The following MMP21 variants were observed in gnomAD, a reference collection of about 807,000 sequenced individuals.
The protein encoded by MMP21 is matrix metalloproteinase-21.
In MMP21, 40 loss-of-function variants were observed where a neutral mutation model predicts 47.8. The observed-to-expected ratio is 0.84, with a 90% CI of 0.65 to 1.09. The LOEUF is 1.09. Among genes scored for constraint, MMP21 ranks in the 50% least tolerant of loss-of-function variants. The pLI is 0.00. For synonymous variants in MMP21, 341 were observed against 318.0 expected (o/e 1.07, Z -0.77); for missense variants, 747 against 775.3 (o/e 0.96, Z 0.43).
chr10:125,772,324 C>A lies in MMP21; in HGVS notation c.873G>T (p.Leu291Phe). The part of the protein sequence containing the change: ...AVHEIGHVLG[L>F]PHTYRTGSIM... ...TGGATCCCGTCCTGTAGGTGTGAGG[C>A]AAGCCCAGGACATGGCCAATTTCAT... The change falls in exon 4 of 7, where the codon TTG (leucine) becomes TTT (phenylalanine). Residue 291 changes from leucine (L) to phenylalanine (F), a missense_variant. Physicochemically the swap from Leu to Phe is conservative, Grantham distance 22. Coordinates refer to ENST00000368808, the MANE Select transcript of MMP21 (RefSeq NM_147191.1). The surrounding 1 kb of genome is among the most constrained non-coding windows in gnomAD (Gnocchi z 5.6). 1 of 1,614,166 alleles carries A rather than the reference C, an allele frequency of 6.2e-7. No homozygotes were observed. The highest frequency in any genetic ancestry group is 8.5e-7 in the Non-Finnish European group (1 of 1,180,034).
chr10:125,768,086 T>C (rs913154197), intron 5 of MMP21, among the ~76,000 whole-genome samples: 9 of 152,222 alleles, frequency 5.9e-5, no homozygotes, highest in African/African-American at 2.2e-4. Context: ...TCCTTTATAG[T>C]CTAAAGATGT....
intron 5 of MMP21, among the ~76,000 whole-genome samples, chr10:125,769,954 C>G (rs978328161): frequency 2.0e-5 from 3 of 152,076 alleles, no homozygotes; most frequent in Non-Finnish European, 2.9e-5. Flanking sequence ...TCAAGACTAG[C>G]CTGGGCAACA....
chr10:125,766,908 C>T lies in MMP21; in HGVS notation c.1464G>A (p.Arg488=). 1.9e-6 allele frequency: 3 copies of T among 1,612,058 alleles called. No individual in the cohort carries two copies. The highest frequency in any genetic ancestry group is 1.7e-5 in the Admixed American group (1 of 59,584). The change falls in exon 7 of 7, where the codon AGG becomes AGA. Residue 488 remains arginine, a synonymous_variant. Coordinates refer to ENST00000368808, the MANE Select transcript of MMP21 (RefSeq NM_147191.1). ...RNRVLNSYPK[R]ITEVFPAVIP... Reference sequence around the variant, plus strand: ...TTACTGCTGGAAAAACTTCAGTAATCCTCTTTGGATAAGAATTAAGTACTC... The same window carrying T: ...TTACTGCTGGAAAAACTTCAGTAATTCTCTTTGGATAAGAATTAAGTACTC...
In MMP21 at chr10:125,770,463, G is replaced by T. The variant is rs752375826; in HGVS notation, c.1108C>A (p.Arg370=). Residue 370 remains arginine (R), a synonymous_variant, in exon 5 of 7, where the codon CGA becomes AGA. Coordinates refer to ENST00000368808, the MANE Select transcript of MMP21 (RefSeq NM_147191.1). ...TCCCCATAGCGTGTCCTATTGTTTCGATTTTCATAAAGCCAGTACCAGCTG... is the reference window on the plus strand; with the variant it reads ...TCCCCATAGCGTGTCCTATTGTTTCTATTTTCATAAAGCCAGTACCAGCTG... ...RNSWYWLYEN[R]NNRTRYGDPI... 1.2e-6 allele frequency: 2 copies of T among 1,614,138 alleles called. No homozygotes were observed. Among genetic ancestry groups the T allele is most frequent in the South Asian group, 1.1e-5 (1 of 91,068 alleles).
At chr10:125,768,339 T>C (rs1157871137) in intron 5 of MMP21, among the ~76,000 whole-genome samples, 1 of 152,230 alleles carries the variant, frequency 6.6e-6, no homozygotes, top group Non-Finnish European at 1.5e-5. Flanking sequence ...GACTCTCAAA[T>C]GCCACTCCAG....
chr10:125,768,729 G>A (rs991488141), intron 5 of MMP21, among the ~76,000 whole-genome samples: 2 of 152,234 alleles, frequency 1.3e-5, no homozygotes, highest in Admixed American at 1.3e-4. Context: ...CAGCTGTATT[G>A]TAGCAGTTAC....
In MMP21 at chr10:125,772,189, C is replaced by G. The variant is rs781539228; in HGVS notation, c.979+29G>C. 6.2e-7 allele frequency: 1 copy of G among 1,613,458 alleles called. No individual in the cohort carries two copies. The highest frequency in any genetic ancestry group is 1.1e-5 in the South Asian group (1 of 90,998). On this transcript the variant is annotated intron_variant, in intron 4 of 6. Coordinates refer to ENST00000368808, the MANE Select transcript of MMP21 (RefSeq NM_147191.1). The surrounding 1 kb of genome is among the most constrained non-coding windows in gnomAD (Gnocchi z 5.6). ...TCTGGAATACAGTGTCCTCCGCTAG[C>G]TCAGGGATGCCCTCCGCAGCAGTCT...
intron 5 of MMP21, among the ~76,000 whole-genome samples, chr10:125,769,489 G>T (rs1246311636): frequency 6.6e-6 from 1 of 152,160 alleles, no homozygotes; most frequent in East Asian, 1.9e-4. Flanking sequence ...ACAGCTCTGT[G>T]GCTTTTTCAC....
Position 125,772,867 on chromosome 10 carries a change from G to C in MMP21, c.698-117C>G. ...GGCAGCAGAGGTAGACAGAGTGGCA[G>C]CTCCTGGATTAAGTCCTCAATGTGC... On this transcript the variant is annotated intron_variant, in intron 2 of 6. Transcript: ENST00000368808. This position sits in a 1 kb window ranked among gnomAD's most constrained non-coding sequence, Gnocchi z 5.6. 8.6e-7 allele frequency: 1 copy of C among 1,158,362 alleles called. No homozygotes were observed. Among genetic ancestry groups the C allele is most frequent in the Non-Finnish European group, 1.2e-6 (1 of 820,014 alleles). The allele number at this position is 1,158,362 out of a possible 1,614,324, so 71.8% of individuals were successfully genotyped here.
Position 125,775,647 on chromosome 10 carries a change from A to T in MMP21, c.162+13T>A. The T allele has an allele frequency of 6.3e-7, 1 of 1,591,214 alleles. No individual in the cohort carries two copies. The highest frequency in any genetic ancestry group is 1.7e-4 in the Middle Eastern group (1 of 5,958). ...GGCCTGGGGGTATTGCTGTTCTTCC[A>T]GCTTCCTCCTACCTGAGCAGCGTGG... On this transcript the variant is annotated intron_variant, in intron 1 of 6. Transcript: ENST00000368808.
intron 1 of MMP21, among the ~76,000 whole-genome samples, chr10:125,775,389 G>C (rs1850505393): frequency 6.6e-6 from 1 of 152,242 alleles, no homozygotes; most frequent in Non-Finnish European, 1.5e-5. Context: ...CCTTTGGAAA[G>C]GCACTTGGCA....
At position 125,772,867 on chromosome 10, in the gene MMP21, G is replaced by T. The variant is rs940181924; in HGVS notation, c.698-117C>A. The T allele has an allele frequency of 8.6e-7, 1 of 1,158,356 alleles. No individual in the cohort carries two copies. Among genetic ancestry groups the T allele is most frequent in the Non-Finnish European group, 1.2e-6 (1 of 820,008 alleles). The allele number at this position is 1,158,356 out of a possible 1,614,324, so 71.8% of individuals were successfully genotyped here. On this transcript the variant is annotated intron_variant, in intron 2 of 6. Transcript: ENST00000368808. The surrounding 1 kb of genome is among the most constrained non-coding windows in gnomAD (Gnocchi z 5.6). Reference sequence around the variant, plus strand: ...GGCAGCAGAGGTAGACAGAGTGGCAGCTCCTGGATTAAGTCCTCAATGTGC... The same window carrying T: ...GGCAGCAGAGGTAGACAGAGTGGCATCTCCTGGATTAAGTCCTCAATGTGC...
At chr10:125,771,203 A>G (rs1482217775) in intron 4 of MMP21, among the ~76,000 whole-genome samples, 3 of 152,086 alleles carry the variant, frequency 2.0e-5, no homozygotes, top group Non-Finnish European at 4.4e-5. Context: ...ACCACCCTAA[A>G]TATAGCTACT....
At chr10:125,770,248 C>T (rs1358302855) in intron 5 of MMP21, 86 bp downstream of exon 5, 1 of 1,395,588 alleles carries the variant, frequency 7.2e-7, no homozygotes, top group African/African-American at 1.4e-5. Flanking sequence ...AGCATTACAA[C>T]AGATTCCTTG....
At position 125,766,947 on chromosome 10, in the gene MMP21, A is replaced by T. The variant is rs759368574; in HGVS notation, c.1425T>A (p.Asp475Glu). 6.3e-7 allele frequency: 1 copy of T among 1,586,658 alleles called. No individual in the cohort carries two copies. The highest frequency in any genetic ancestry group is 2.2e-5 in the East Asian group (1 of 44,594). ...FFKESLVFAF[D>E]VNRNRVLNSY... The stretch of plus-strand genomic sequence containing the variant: ...AATTAAGTACTCGATTTCTGTTGAC[A>T]TCAAATGCAAATACCTGCAAAGCAA... Residue 475 changes from aspartate (D) to glutamate (E), a missense_variant, in exon 7 of 7, where the codon GAT becomes GAA. Asp to Glu is a conservative substitution (Grantham distance 45, BLOSUM62 2). Transcript: ENST00000368808.
intron 1 of MMP21, 116 bp downstream of exon 1, chr10:125,775,544 C>T (rs543432560): frequency 1.5e-6 from 2 of 1,343,316 alleles, no homozygotes; most frequent in South Asian, 1.7e-5. Flanking sequence ...CCTGCCTGGC[C>T]CTTCTCTGCC....
rs773803553 is a variant in MMP21 at position 125,774,021 on chromosome 10, C to G, written c.507G>C (p.Gln169His). 8 of 1,519,638 alleles carry G rather than the reference C, an allele frequency of 5.3e-6. No homozygotes were observed. The African/African-American group carries it at 1.0e-4, about 19-fold the overall frequency. The allele number at this position is 1,519,638 out of a possible 1,614,324, so 94.1% of individuals were successfully genotyped here. The part of the protein sequence containing the change: ...PRGYPDGGAA[Q>H]AFSKRTLSWR... ...AGCTCAGCGTCCTCTTGGAGAAGGC[C>G]TGGGCAGCTCCGCCGTCGGGGTAGC... Residue 169 changes from glutamine (Q) to histidine (H), a missense_variant, in exon 2 of 7, where the codon CAG becomes CAC. Gln to His is a conservative substitution (Grantham distance 24, BLOSUM62 0). Coordinates refer to ENST00000368808, the MANE Select transcript of MMP21 (RefSeq NM_147191.1).
rs145119918 is a variant in MMP21 at position 125,767,570 on chromosome 10, G to A, written c.1372C>T (p.Arg458Ter). The change falls in exon 6 of 7, where the codon CGA becomes TGA. Residue 458 changes from arginine to a stop codon, truncating the protein, a stop_gained. Transcript: ENST00000368808. LOFTEE classifies it low-confidence loss of function (END_TRUNC). ...PSPLDTAFYD[R>*]RQKLIYFFKE... ...AAGAAGTAAATTAACTTCTGTCTTC[G>A]GTCATAAAACGCCGTGTCTAGGGGA... The A allele has an allele frequency of 1.1e-4, 184 of 1,614,008 alleles. No homozygotes were observed. The highest frequency in any genetic ancestry group is 1.5e-4 in the Non-Finnish European group (176 of 1,180,032).
chr10:125,774,560 A>C (rs915251168), intron 1 of MMP21, among the ~76,000 whole-genome samples, 195 bp from the exon 2 acceptor site: 3 of 152,186 alleles, frequency 2.0e-5, no homozygotes, highest in Non-Finnish European at 4.4e-5. Flanking sequence ...ATACAGAGAG[A>C]GCGGCAGTGA....
Sources: gnomAD v4.1 joint callset for allele counts (sites outside exome capture counted in the v4.1 genomes callset) on GRCh38, gnomAD v4.1.1 for gene constraint, Gnocchi (gnomAD v3.1) non-coding constraint, MANE v1.5 for transcripts, NCBI Gene and HGNC (gene_info 2026-07-23, HGNC 2026-07-21) for gene names.